Variants in GABRB3 observed in about 807,000 individuals in gnomAD.
The protein encoded by GABRB3 is gamma-aminobutyric acid receptor subunit beta-3.
In GABRB3, 14 loss-of-function variants were observed where a neutral mutation model predicts 52.1. That is an observed-to-expected ratio of 0.27 (90% CI 0.18 to 0.42). The LOEUF (loss-of-function observed/expected upper bound fraction) is 0.42, where lower values mean the gene tolerates loss of function less well. GABRB3 is among the 10% of genes least tolerant of loss of function. GABRB3 has a pLI of 1.00. For synonymous variants in GABRB3, 260 were observed against 232.3 expected, an observed-to-expected ratio of 1.12 and a Z score of -1.08; for missense variants, 307 against 609.1, an observed-to-expected ratio of 0.50 and a Z score of 5.22.
At chr15:26,624,836 G>A in intron 3 of GABRB3, 2 of 985,394 alleles carry the variant, frequency 2.0e-6, no homozygotes, top group Non-Finnish European at 2.4e-6. Flanking sequence ...GCCGGGAGTA[G>A]CAAATGCAGG....
At chr15:26,727,824 C>A (rs775130434) in intron 3 of GABRB3, among the ~76,000 whole-genome samples, 1 of 152,162 alleles carries the variant, frequency 6.6e-6, no homozygotes, top group African/African-American at 2.4e-5. Context: ...TTCATACAAG[C>A]CTTACTTGTT....
chr15:26,582,785 C>T (rs1048352123), intron 5 of GABRB3, among the ~76,000 whole-genome samples: 2 of 152,110 alleles, frequency 1.3e-5, no homozygotes, highest in African/African-American at 4.8e-5. Flanking sequence ...CAACAAAAAC[C>T]ATATCCTGAT....
intron 3 of GABRB3, among the ~76,000 whole-genome samples, chr15:26,695,442 A>G (rs1181378008): frequency 6.6e-6 from 1 of 152,224 alleles, no homozygotes; most frequent in Non-Finnish European, 1.5e-5. Context: ...AGAGTAACAT[A>G]GTTCAATTGT....
At chr15:26,666,947 A>G (rs1013506929) in intron 3 of GABRB3, among the ~76,000 whole-genome samples, 1 of 152,080 alleles carries the variant, frequency 6.6e-6, no homozygotes, top group Non-Finnish European at 1.5e-5. Flanking sequence ...TCTTCCAGGG[A>G]GGCAAGGAGT....
At chr15:26,567,893 T>C (rs1057046590) in intron 6 of GABRB3, among the ~76,000 whole-genome samples, 160 bp from the exon 7 acceptor site, 27 of 152,204 alleles carry the variant, frequency 1.8e-4, no homozygotes, top group African/African-American at 6.3e-4. Flanking sequence ...GCGGTATTTA[T>C]AGAAGAATTA....
At chr15:26,763,344 T>A (rs181486865) in intron 3 of GABRB3, among the ~76,000 whole-genome samples, 8 of 152,260 alleles carry the variant, frequency 5.3e-5, no homozygotes, top group African/African-American at 1.9e-4. Context: ...AAAAAGAGAA[T>A]CTCTGCAATA....
chr15:26,557,748 A>G (rs2140671373), intron 8 of GABRB3: 1 of 152,344 alleles, frequency 6.6e-6, no homozygotes, highest in Non-Finnish European at 1.5e-5. Context: ...AGGCCTTACT[A>G]AGATTGCCGA....
chr15:26,751,209 T>C (rs1890498312), intron 3 of GABRB3, among the ~76,000 whole-genome samples: 1 of 152,238 alleles, frequency 6.6e-6, no homozygotes, highest in East Asian at 1.9e-4. Flanking sequence ...GATAAGGCTA[T>C]CTAGAATTCA....
At chr15:26,706,303 T>C (rs1470502660) in intron 3 of GABRB3, among the ~76,000 whole-genome samples, 1 of 152,112 alleles carries the variant, frequency 6.6e-6, no homozygotes, top group African/African-American at 2.4e-5. Flanking sequence ...TACTTATCCA[T>C]AAAATCTTCA....
intron 3 of GABRB3, among the ~76,000 whole-genome samples, chr15:26,693,261 A>G (rs549298000): frequency 1.3e-5 from 2 of 152,366 alleles, no homozygotes; most frequent in Admixed American, 6.5e-5. Context: ...GCACAGAAAG[A>G]TTATTGAGTT....
At position 26,764,084 on chromosome 15, in the gene GABRB3, C is replaced by T. The variant is rs189438894; in HGVS notation, c.240+8318G>A. On this transcript the variant is annotated intron_variant, in intron 3 of 8. Coordinates refer to ENST00000311550, the MANE Select transcript of GABRB3 (RefSeq NM_000814.6). Reference sequence around the variant, plus strand: ...AGAATTGCTTGAACCCGGGAGGCGGCGGTTGCAGTGAGCTGAGATCGCACC... The same window carrying T: ...AGAATTGCTTGAACCCGGGAGGCGGTGGTTGCAGTGAGCTGAGATCGCACC... 6.5e-3 allele frequency among the ~76,000 whole-genome samples: 913 copies of T among 141,228 alleles called. 8 individuals are homozygous for T. Among genetic ancestry groups the T allele is most frequent in the African/African-American group, 0.023 (836 of 36,724 alleles). 92.7% of individuals were successfully genotyped at this position (141,228 alleles called of 152,430 possible). A position where few individuals can be genotyped will look rare whatever the true frequency, so the allele number is the denominator to read the frequency against.
intron 3 of GABRB3, among the ~76,000 whole-genome samples, chr15:26,627,251 T>C (rs918025197): frequency 6.6e-6 from 1 of 151,784 alleles, no homozygotes; most frequent in Non-Finnish European, 1.5e-5. Context: ...TCATTTTCAA[T>C]GTACCTGGTC....
At chr15:26,773,252 C>T (rs565238494), upstream of GABRB3, among the ~76,000 whole-genome samples, 142 of 150,070 alleles carry the variant, frequency 9.5e-4, no homozygotes, top group African/African-American at 3.2e-3. Context: ...GGCCCGAGGC[C>T]GGGGCCCTGG....
chr15:26,772,280 C>T, intron 3 of GABRB3, 122 bp downstream of exon 3: 1 of 850,470 alleles, frequency 1.2e-6, no homozygotes, highest in Admixed American at 2.5e-5. Context: ...GCGCGGCTCC[C>T]TCTGCGGACC....
rs190030118 is a variant in GABRB3, at chr15:26,566,541, C to T, written c.835+1040G>A. 8.5e-5 allele frequency among the ~76,000 whole-genome samples: 13 copies of T among 152,262 alleles called. No homozygotes were observed. The East Asian group carries it at 2.5e-3, about 29-fold the overall frequency. On this transcript the variant is annotated intron_variant, in intron 7 of 8. Coordinates refer to ENST00000311550, the MANE Select transcript of GABRB3 (RefSeq NM_000814.6). ...AAGAGTTCAAGACCAGTCTGGGACA[C>T]ATGGCGAAACCCCATCTCTACAAAA...
At chr15:26,708,746 C>T (rs933325181) in intron 3 of GABRB3, among the ~76,000 whole-genome samples, 5 of 152,162 alleles carry the variant, frequency 3.3e-5, no homozygotes, top group Non-Finnish European at 5.9e-5. Context: ...TAGCCAAACT[C>T]CAAGGCTATC....
chr15:26,687,455 C>A (rs1888441802), intron 3 of GABRB3, among the ~76,000 whole-genome samples: 1 of 152,090 alleles, frequency 6.6e-6, no homozygotes, highest in Admixed American at 6.6e-5. Context: ...TCAGCGTGAC[C>A]TGACACATCT....
At chr15:26,636,554 C>T (rs959937971) in intron 3 of GABRB3, among the ~76,000 whole-genome samples, 1 of 152,194 alleles carries the variant, frequency 6.6e-6, no homozygotes, top group Non-Finnish European at 1.5e-5. Flanking sequence ...TATCTGCACT[C>T]CCTCCCTTAA....
At chr15:26,582,051 G>C (rs1389718989) in intron 5 of GABRB3, among the ~76,000 whole-genome samples, 1 of 152,164 alleles carries the variant, frequency 6.6e-6, no homozygotes, top group Non-Finnish European at 1.5e-5. Flanking sequence ...TCCCAATATG[G>C]AGACATGTGT....
Sources: allele counts gnomAD v4.1 joint callset (sites outside exome capture counted in the v4.1 genomes callset), GRCh38; gene constraint gnomAD v4.1.1; transcripts MANE v1.5; gene names NCBI Gene and HGNC (gene_info 2026-07-23, HGNC 2026-07-21).